TG: variants seen among roughly 807,000 people sequenced by gnomAD.
The protein encoded by TG is thyroid hormones.
In TG, 270 loss-of-function variants were observed where a neutral mutation model predicts 324.7. That is an observed-to-expected ratio of 0.83 (90% CI 0.75 to 0.92). The LOEUF is 0.92. Ranked by LOEUF, TG falls within the 40% of genes least tolerant of loss-of-function variation. The pLI is 0.00. For synonymous variants in TG, 1,401 were observed against 1,327.0 expected, an observed-to-expected ratio of 1.06 and a Z score of -1.21; for missense variants, 3,591 against 3,456.4, an observed-to-expected ratio of 1.04 and a Z score of -0.98.
chr8:132,950,619 G>A (rs1045523037), intron 27 of TG, among the ~76,000 whole-genome samples: 2 of 152,190 alleles, frequency 1.3e-5, no homozygotes, highest in African/African-American at 4.8e-5. Context: ...AGTCAGCAGC[G>A]TGCCGCAATT....
rs906966529 is a variant in TG, at chr8:132,872,253, C to T, written c.478+702C>T. ...CAGCACTTTGGGAGGCCGAGGCGGG[C>T]GGATCACGAGGTCAGGAGATCGAGA... On this transcript the variant is annotated intron_variant, in intron 4 of 47. Coordinates refer to ENST00000220616, the MANE Select transcript of TG (RefSeq NM_003235.5). Among the ~76,000 whole-genome samples, 30 of 151,512 alleles carry T rather than the reference C, an allele frequency of 2.0e-4. No homozygotes were observed. The South Asian group carries it at 4.6e-3, about 23-fold the overall frequency.
In TG at chr8:133,133,584, C is replaced by T; in HGVS notation, c.8112C>T (p.Leu2704=). Residue 2704 remains leucine, a synonymous_variant, in exon 47 of 48, where the codon CTC becomes CTT. Transcript: ENST00000220616. The part of the protein sequence containing the change: ...GENYKEFSEL[L]PNRQGLKKAD... ...ACTACAAGGAGTTCAGTGAGCTGCT[C>T]CCCAATCGACAGGGCCTGAAGAAAG... 1 of 1,614,240 alleles carries T rather than the reference C, an allele frequency of 6.2e-7. No homozygotes were observed. The highest frequency in any genetic ancestry group is 8.5e-7 in the Non-Finnish European group (1 of 1,180,032).
rs774260873 is a variant in TG at position 132,887,966 on chromosome 8, C to T, written c.2177-18C>T. ...TAAATTTCTTAAACTGAAACACCTG[C>T]TCATTGTTCCTCCCCAGGCCCCACG... On this transcript the variant is annotated intron_variant, in intron 9 of 47. Transcript: ENST00000220616. 8.7e-6 allele frequency: 14 copies of T among 1,604,490 alleles called. No homozygotes were observed. The highest frequency in any genetic ancestry group is 5.4e-5 in the African/African-American group (4 of 74,590).
intron 41 of TG, among the ~76,000 whole-genome samples, chr8:133,041,798 T>G (rs1440953432): frequency 6.6e-6 from 1 of 150,710 alleles, no homozygotes; most frequent in Admixed American, 6.6e-5. Flanking sequence ...TTTTTTTTTT[T>G]TTTTTTTTTA....
chr8:133,095,850 T>C (rs765518101), intron 42 of TG, among the ~76,000 whole-genome samples: 2 of 152,232 alleles, frequency 1.3e-5, no homozygotes, highest in Non-Finnish European at 2.9e-5. Flanking sequence ...AATTTGATCA[T>C]AGCTGGAGCT....
At chr8:133,003,391 AG>A (rs538230828) in intron 35 of TG, 2 of 151,860 alleles carry the variant, frequency 1.3e-5, no homozygotes, top group Non-Finnish European at 2.9e-5. Context: ...AAATGAACAC[AG>A]CCATCCCTCG....
At chr8:133,060,136 G>C (rs773985400) in intron 41 of TG, 2 of 1,611,692 alleles carry the variant, frequency 1.2e-6, no homozygotes, top group South Asian at 2.2e-5. Context: ...GCAGGCGCAG[G>C]GGTGGATTTC....
chr8:132,969,602 T>C, intron 32 of TG, 33 bp downstream of exon 32: 1 of 1,361,068 alleles, frequency 7.3e-7, no homozygotes, highest in Non-Finnish European at 1.1e-6. Flanking sequence ...CTAATGTTTA[T>C]TATGAATAAT....
intron 43 of TG, among the ~76,000 whole-genome samples, chr8:133,105,336 A>AGT (rs1296616627): frequency 6.6e-6 from 1 of 152,210 alleles, no homozygotes; most frequent in African/African-American, 2.4e-5. Flanking sequence ...CTAGGACAGC[A>AGT]GTAGGGGTGG....
At chr8:132,964,947 A>G (rs1298848083) in intron 29 of TG, 2 of 702,188 alleles carry the variant, frequency 2.8e-6, no homozygotes, top group Admixed American at 4.0e-5. Context: ...TACCTGAGAA[A>G]AGGTGTTCCA....
Position 133,002,430 on chromosome 8 carries a change from C to A in TG, c.6263-9471C>A, listed in dbSNP as rs575206788. The A allele has an allele frequency of 5.1e-6, 5 of 984,408 alleles. No homozygotes were observed. In the East Asian group the frequency reaches 5.7e-4, roughly 112 times the overall value. The allele number at this position is 984,408 out of a possible 1,614,324, so 61.0% of individuals were successfully genotyped here. A position where few individuals can be genotyped will look rare whatever the true frequency, so the allele number is the denominator to read the frequency against. On this transcript the variant is annotated intron_variant, in intron 35 of 47. Transcript: ENST00000220616. ...TAATTTGTTGCTCAATAAGCCGCCT[C>A]ACATCTTTCAGCAAGAAATACATTA...
At chr8:133,121,774 G>A (rs1331687152) in intron 45 of TG, among the ~76,000 whole-genome samples, 3 of 152,172 alleles carry the variant, frequency 2.0e-5, no homozygotes, top group Admixed American at 1.3e-4. Flanking sequence ...AGTGCTAAGA[G>A]TATTCTGTTC....
intron 41 of TG, among the ~76,000 whole-genome samples, chr8:133,066,870 G>A (rs1843104839): frequency 6.6e-6 from 1 of 152,246 alleles, no homozygotes; most frequent in African/African-American, 2.4e-5. Context: ...ATCCCGTGCA[G>A]GGGCTGGGGG....
chr8:132,900,201 C>T, intron 14 of TG, 36 bp from the exon 15 acceptor site: 1 of 1,594,990 alleles, frequency 6.3e-7, no homozygotes, highest in South Asian at 1.1e-5. Flanking sequence ...GAGCATCTTG[C>T]CCACAGTGAC....
chr8:133,093,006 G>A (rs1242561661), intron 41 of TG, among the ~76,000 whole-genome samples: 1 of 152,108 alleles, frequency 6.6e-6, no homozygotes, highest in African/African-American at 2.4e-5. Context: ...ACCGTCAGTG[G>A]GGGCCCCATC....
intron 41 of TG, among the ~76,000 whole-genome samples, chr8:133,072,550 T>C (rs1471760736): frequency 1.3e-5 from 2 of 152,220 alleles, no homozygotes; most frequent in African/African-American, 4.8e-5. Flanking sequence ...TGAAATATGC[T>C]GGAAGTTTTG....
intron 35 of TG, among the ~76,000 whole-genome samples, chr8:132,999,416 A>G (rs1833229618): frequency 6.6e-6 from 1 of 152,216 alleles, no homozygotes; most frequent in South Asian, 2.1e-4. Flanking sequence ...TAAAATTACA[A>G]TATTTTGCCT....
At chr8:133,027,224 A>C (rs372760005) in intron 40 of TG, among the ~76,000 whole-genome samples, 28 of 152,332 alleles carry the variant, frequency 1.8e-4, no homozygotes, top group East Asian at 1.4e-3. Context: ...TTCAACAATG[A>C]GGGAGCAGGT....
chr8:132,875,559 A>C (rs534318623), intron 5 of TG, among the ~76,000 whole-genome samples: 2 of 152,316 alleles, frequency 1.3e-5, no homozygotes, highest in South Asian at 4.1e-4. Context: ...TGCACACAGC[A>C]GGTCTGGAAT....
Sources: gnomAD v4.1 joint callset for allele counts (sites outside exome capture counted in the v4.1 genomes callset) on GRCh38, gnomAD v4.1.1 for gene constraint, MANE v1.5 for transcripts, NCBI Gene and HGNC (gene_info 2026-07-23, HGNC 2026-07-21) for gene names.